Variants in WRN observed in about 807,000 individuals in gnomAD.
WRN encodes bifunctional 3'-5' exonuclease/ATP-dependent helicase WRN.
Under a neutral mutation model 180.7 loss-of-function variants are expected in WRN, and 149 were observed. The ratio of observed to expected loss-of-function variants is 0.82; its 90% CI spans 0.72 to 0.94. The LOEUF (loss-of-function observed/expected upper bound fraction) is 0.94. Ranked by LOEUF, WRN falls within the 40% of genes least tolerant of loss-of-function variation. The pLI is 0.00. For missense variants in WRN, 1,661 were observed against 1,700.1 expected, an observed-to-expected ratio of 0.98 and a Z score of 0.40; for synonymous variants, 548 against 568.9, an observed-to-expected ratio of 0.96 and a Z score of 0.52.
At chr8:31,091,037 A>C in intron 15 of WRN, 95 bp downstream of exon 15, 1 of 953,422 alleles carries the variant, frequency 1.0e-6, no homozygotes. Flanking sequence ...CTAGTTCACA[A>C]TAACACATTT....
chr8:31,058,421 G>A lies in WRN; in HGVS notation c.-27G>A. 1.9e-6 allele frequency: 3 copies of A among 1,598,184 alleles called. No homozygotes were observed. Among genetic ancestry groups the A allele is most frequent in the African/African-American group, 1.3e-5 (1 of 74,568 alleles). On this transcript the variant is annotated 5_prime_UTR_variant, in exon 2 of 35. Coordinates refer to ENST00000298139, the MANE Select transcript of WRN (RefSeq NM_000553.6). The stretch of plus-strand genomic sequence containing the variant: ...TTTACCCATGAAGACATTGTTTTTT[G>A]GACTCTGCAAATAGGACATTTCAAA...
chr8:31,111,142 T>C (rs543073710), intron 18 of WRN, among the ~76,000 whole-genome samples: 3 of 152,160 alleles, frequency 2.0e-5, no homozygotes, highest in South Asian at 4.2e-4. Context: ...CATAAACCTA[T>C]ATATTTAAAA....
intron 8 of WRN, among the ~76,000 whole-genome samples, chr8:31,077,458 C>A (rs893779236): frequency 6.6e-6 from 1 of 151,914 alleles, no homozygotes; most frequent in Non-Finnish European, 1.5e-5. Context: ...TAGCCAGGAT[C>A]GTCTCGATCT....
Position 31,157,458 on chromosome 8 carries a change from G to C in WRN, c.3910G>C (p.Glu1304Gln), listed in dbSNP as rs759805320. The C allele has an allele frequency of 6.2e-6, 10 of 1,614,050 alleles. No individual in the cohort carries two copies. The highest frequency in any genetic ancestry group is 2.5e-6 in the Non-Finnish European group (3 of 1,180,008). Reference protein sequence around the residue: ...AVKAGCPLDLERAGLTPEVQK... With the variant: ...AVKAGCPLDLQRAGLTPEVQK... ...GAAAGCTGGCTGCCCCCTTGATTTG[G>C]AGCGAGCAGGCCTGACTCCAGAGGT... The change falls in exon 33 of 35, where the codon GAG (glutamate) becomes CAG (glutamine). Residue 1304 changes from glutamate (E) to glutamine (Q), a missense_variant. Glu to Gln is a conservative substitution (Grantham distance 29). Transcript: ENST00000298139.
At chr8:31,110,273 TAAG>T (rs1801255772) in intron 18 of WRN, among the ~76,000 whole-genome samples, 2 of 152,204 alleles carry the variant, frequency 1.3e-5, no homozygotes, top group Admixed American at 1.3e-4. Flanking sequence ...TGTTCATCTT[TAAG>T]TTGCTAGGCA....
chr8:31,119,634 T>C (rs762619648), intron 20 of WRN, among the ~76,000 whole-genome samples: 1 of 151,990 alleles, frequency 6.6e-6, no homozygotes, highest in Non-Finnish European at 1.5e-5. Flanking sequence ...CTCTGAGCCA[T>C]GTAGTATATT....
At chr8:31,153,545 T>C (rs1379724155) in intron 31 of WRN, among the ~76,000 whole-genome samples, 2 of 152,228 alleles carry the variant, frequency 1.3e-5, no homozygotes, top group Non-Finnish European at 2.9e-5. Flanking sequence ...GCTAGGGTTA[T>C]TTGATTGAAA....
At chr8:31,085,823 G>A (rs1168502146) in intron 11 of WRN, among the ~76,000 whole-genome samples, 1 of 152,028 alleles carries the variant, frequency 6.6e-6, no homozygotes, top group African/African-American at 2.4e-5. Context: ...AATATGGGTA[G>A]TGATTTGGCT....
chr8:31,140,331 A>G (rs1344824522), intron 24 of WRN, among the ~76,000 whole-genome samples: 1 of 152,172 alleles, frequency 6.6e-6, no homozygotes, highest in Non-Finnish European at 1.5e-5. Context: ...CATATACTAC[A>G]TATATTTAAA....
At chr8:31,153,914 C>T (rs530057490) in intron 31 of WRN, among the ~76,000 whole-genome samples, 12 of 152,056 alleles carry the variant, frequency 7.9e-5, no homozygotes, top group African/African-American at 1.7e-4. Flanking sequence ...CATCAAGAGA[C>T]GAGGCTCTTC....
rs1803378510 is a variant in WRN at position 31,156,180 on chromosome 8, AT to A, written c.3820-1186del. Among the ~76,000 whole-genome samples, 5 of 152,280 alleles carry A rather than the reference AT, an allele frequency of 3.3e-5. No individual in the cohort carries two copies. The South Asian group carries it at 1.0e-3, about 32-fold the overall frequency. On this transcript the variant is annotated intron_variant, in intron 32 of 34. Coordinates refer to ENST00000298139, the MANE Select transcript of WRN (RefSeq NM_000553.6). ...AAAACAGTTACTAAGAAAATTTGTT[AT>A]TGGCTCCAAATTTTCTGAATTAAGT...
At chr8:31,132,538 A>G in intron 24 of WRN, 32 bp downstream of exon 24, 1 of 1,613,556 alleles carries the variant, frequency 6.2e-7, no homozygotes, top group Non-Finnish European at 8.5e-7. Context: ...CCCTTCATAG[A>G]TCTTCTTTTA....
chr8:31,059,021 A>G, intron 2 of WRN, 132 bp from the exon 3 acceptor site: 1 of 753,086 alleles, frequency 1.3e-6, no homozygotes, highest in Non-Finnish European at 2.3e-6. Context: ...TTATGACTTC[A>G]TTAGTTTATA....
chr8:31,173,060 G>C lies in WRN; in HGVS notation c.4257G>C (p.Lys1419Asn). Reference protein sequence around the residue: ...VWFAKGSDTSKKLMDKTKRGG... With the variant: ...VWFAKGSDTSNKLMDKTKRGG... The stretch of plus-strand genomic sequence containing the variant: ...TTGCCAAAGGAAGTGATACCAGCAA[G>C]AAATTAATGGACAAAACGAAAAGGG... Residue 1419 changes from lysine (K) to asparagine (N), a missense_variant, in exon 35 of 35, where the codon AAG (lysine) becomes AAC (asparagine). By Grantham distance (94) the Lys-to-Asn change is moderately conservative (BLOSUM62 0). This residue lies in a region of WRN where 1,141 missense variants were observed against 1,149.4 expected (regional missense o/e 0.99). Transcript: ENST00000298139. 1 of 1,613,970 alleles carries C rather than the reference G, an allele frequency of 6.2e-7. No individual in the cohort carries two copies. Among genetic ancestry groups the C allele is most frequent in the Non-Finnish European group, 8.5e-7 (1 of 1,179,938 alleles).
At chr8:31,126,149 A>C (rs1015578056) in intron 23 of WRN, among the ~76,000 whole-genome samples, 6 of 152,178 alleles carry the variant, frequency 3.9e-5, no homozygotes, top group Non-Finnish European at 8.8e-5. Context: ...GATTATCAGC[A>C]TGCTGGATCT....
At position 31,090,816 on chromosome 8, in the gene WRN, TA is replaced by T; in HGVS notation, c.1721-17del. On this transcript the variant is annotated splice_polypyrimidine_tract_variant and intron_variant, in intron 14 of 34. Transcript: ENST00000298139. ...CTATATTTTTTTCATTTTATTTTTA[TA>T]TTTTTTTCATTTCAAGGATATGGAA... 6.4e-7 allele frequency: 1 copy of T among 1,571,846 alleles called. No individual in the cohort carries two copies. Among genetic ancestry groups the T allele is most frequent in the East Asian group, 2.3e-5 (1 of 44,346 alleles).
rs1383589957 is a variant in WRN, at chr8:31,111,627, GCA to G, written c.2103_2104del (p.Leu702TyrfsTer29). 6 of 1,613,824 alleles carry G rather than the reference GCA, an allele frequency of 3.7e-6. No individual in the cohort carries two copies. The highest frequency in any genetic ancestry group is 5.1e-6 in the Non-Finnish European group (6 of 1,179,928). On this transcript the variant is annotated frameshift_variant, in exon 19 of 35. Coordinates refer to ENST00000298139, the MANE Select transcript of WRN (RefSeq NM_000553.6). LOFTEE classifies it high-confidence loss of function. ...KTALPMVPIV[A>X]LTATASSSIR... is the part of the protein sequence containing the mutation. ...TTACATCATTCAGGTTCCAATCGTT[GCA>G]CTTACTGCTACTGCAAGTTCTTCAA...
At chr8:31,066,536 C>T (rs1563330908) in intron 5 of WRN, among the ~76,000 whole-genome samples, 1 of 151,878 alleles carries the variant, frequency 6.6e-6, no homozygotes, top group Admixed American at 6.6e-5. Context: ...CATATATTTG[C>T]AAATGTAAAA....
chr8:31,046,800 G>A (rs1811882299), intron 1 of WRN, among the ~76,000 whole-genome samples: 1 of 152,186 alleles, frequency 6.6e-6, no homozygotes, highest in African/African-American at 2.4e-5. Flanking sequence ...TACCTGACTT[G>A]CTTTTGCTGT....
Sources: gnomAD v4.1 joint callset for allele counts (sites outside exome capture counted in the v4.1 genomes callset) on GRCh38, gnomAD v4.1.1 for gene constraint, gnomAD v4.1.1 regional missense constraint, MANE v1.5 for transcripts, NCBI Gene and HGNC (gene_info 2026-07-23, HGNC 2026-07-21) for gene names.